SRD5A2: variants seen among roughly 807,000 people sequenced by gnomAD.
SRD5A2 encodes 3-oxo-5-alpha-steroid 4-dehydrogenase 2.
Under a neutral mutation model 27.4 loss-of-function variants are expected in SRD5A2, and 30 were observed. That is an observed-to-expected ratio of 1.10 (90% CI 0.82 to 1.49). The LOEUF (loss-of-function observed/expected upper bound fraction) is 1.49. SRD5A2 is among the 40% of genes most tolerant of loss of function. The pLI, the probability that SRD5A2 is intolerant of heterozygous loss-of-function variation, is 0.00. For synonymous variants in SRD5A2, 141 were observed against 133.6 expected (o/e 1.06, Z -0.38); for missense variants, 348 against 323.4 (o/e 1.08, Z -0.58).
chr2:31,659,122 A>G, the SRD5A2 span, among the ~76,000 whole-genome samples: 1 of 152,030 alleles, frequency 6.6e-6, no homozygotes, highest in African/African-American at 2.4e-5. Flanking sequence ...CTTTTAATAA[A>G]ATTCAACATC....
At chr2:31,554,858 T>C (rs1666460537) in intron 1 of SRD5A2, among the ~76,000 whole-genome samples, 1 of 152,146 alleles carries the variant, frequency 6.6e-6, no homozygotes, top group South Asian at 2.1e-4. Context: ...ACTGTGTTCA[T>C]GTAGGCTTAT....
the SRD5A2 span, among the ~76,000 whole-genome samples, chr2:31,631,940 T>C: frequency 6.6e-6 from 1 of 152,120 alleles, no homozygotes; most frequent in Non-Finnish European, 1.5e-5. Flanking sequence ...AAGAAGCCTA[T>C]AAATTATTCA....
At chr2:31,605,049 G>A in the SRD5A2 span, among the ~76,000 whole-genome samples, 1 of 151,844 alleles carries the variant, frequency 6.6e-6, no homozygotes. Context: ...ACATACTCCA[G>A]GGAAAATACA....
At chr2:31,560,325 T>C (rs541226913) in intron 1 of SRD5A2, among the ~76,000 whole-genome samples, 4 of 152,114 alleles carry the variant, frequency 2.6e-5, no homozygotes, top group Non-Finnish European at 4.4e-5. Flanking sequence ...TTCTGACCAA[T>C]GAACCTGAAA....
chr2:31,593,570 G>C, the SRD5A2 span, among the ~76,000 whole-genome samples: 1 of 152,164 alleles, frequency 6.6e-6, no homozygotes, highest in Non-Finnish European at 1.5e-5. Context: ...AAGAATAATT[G>C]GTGTTCTTTG....
chr2:31,550,718 T>C (rs548818962), intron 1 of SRD5A2, among the ~76,000 whole-genome samples: 2 of 151,912 alleles, frequency 1.3e-5, no homozygotes, highest in Non-Finnish European at 2.9e-5. Flanking sequence ...AAATAGAAAA[T>C]AAGAGTAGAG....
intron 1 of SRD5A2, among the ~76,000 whole-genome samples, chr2:31,568,172 G>A (rs568361310): frequency 6.6e-6 from 1 of 152,148 alleles, no homozygotes; most frequent in Non-Finnish European, 1.5e-5. Context: ...CCCCAAAGAG[G>A]GTGTCATAGC....
upstream of SRD5A2, chr2:31,581,111 G>A (rs1051161320): frequency 1.0e-5 from 6 of 576,506 alleles, no homozygotes; most frequent in Non-Finnish European, 1.5e-5. Context: ...GGCCGGAGGA[G>A]AACGAAGGCC....
chr2:31,533,149 G>T (rs953749949), intron 2 of SRD5A2, among the ~76,000 whole-genome samples: 1 of 152,120 alleles, frequency 6.6e-6, no homozygotes, highest in Non-Finnish European at 1.5e-5. Context: ...TTTCCAATGT[G>T]GTCCAGGGAA....
At chr2:31,640,472 T>C in the SRD5A2 span, among the ~76,000 whole-genome samples, 1 of 152,166 alleles carries the variant, frequency 6.6e-6, no homozygotes, top group Non-Finnish European at 1.5e-5. Context: ...GACTGGCTTG[T>C]TTTGGTTTTC....
the SRD5A2 span, among the ~76,000 whole-genome samples, chr2:31,601,417 A>G: frequency 6.6e-6 from 1 of 152,046 alleles, no homozygotes; most frequent in Middle Eastern, 3.2e-3. Flanking sequence ...AAACTTAAGC[A>G]GTAGTAAATA....
At chr2:31,586,881 A>C in the SRD5A2 span, among the ~76,000 whole-genome samples, 1 of 152,232 alleles carries the variant, frequency 6.6e-6, no homozygotes, top group African/African-American at 2.4e-5. Flanking sequence ...AAATGAACTA[A>C]GTAAGGCACC....
intron 1 of SRD5A2, among the ~76,000 whole-genome samples, chr2:31,556,321 C>A (rs972686380): frequency 6.6e-6 from 1 of 152,104 alleles, no homozygotes; most frequent in African/African-American, 2.4e-5. Flanking sequence ...TTTTATTATG[C>A]CATCTTGTAT....
chr2:31,584,839 A>G (rs976716584), upstream of SRD5A2, among the ~76,000 whole-genome samples: 4 of 152,222 alleles, frequency 2.6e-5, no homozygotes, highest in African/African-American at 9.6e-5. Flanking sequence ...ACAAGAACCA[A>G]AACTCAAGTG....
intron 1 of SRD5A2, among the ~76,000 whole-genome samples, chr2:31,573,402 G>T (rs1057147795): frequency 6.6e-6 from 1 of 152,170 alleles, no homozygotes; most frequent in Non-Finnish European, 1.5e-5. Flanking sequence ...CTCGTTAAAG[G>T]CTCCTGGGTT....
At chr2:31,532,336 C>A (rs1572630865) in intron 2 of SRD5A2, among the ~76,000 whole-genome samples, 1 of 151,634 alleles carries the variant, frequency 6.6e-6, no homozygotes, top group East Asian at 1.9e-4. Context: ...TGGCCACTAA[C>A]AAACTGACTT....
At chr2:31,602,047 G>C in the SRD5A2 span, among the ~76,000 whole-genome samples, 1 of 152,052 alleles carries the variant, frequency 6.6e-6, no homozygotes, top group Admixed American at 6.6e-5. Flanking sequence ...AGTATTGGAA[G>C]TTCTGGCCAG....
the SRD5A2 span, among the ~76,000 whole-genome samples, chr2:31,642,011 A>G: frequency 2.3e-3 from 357 of 152,230 alleles, no homozygotes; most frequent in African/African-American, 7.8e-3. Flanking sequence ...TACTAAAAAG[A>G]TATCACAATA....
At chr2:31,622,837 A>G in the SRD5A2 span, among the ~76,000 whole-genome samples, 2 of 152,122 alleles carry the variant, frequency 1.3e-5, no homozygotes, top group African/African-American at 2.4e-5. Context: ...TCCACTTTTC[A>G]TCACACATCA....
Sources: gnomAD v4.1 joint callset for allele counts (sites outside exome capture counted in the v4.1 genomes callset) on GRCh38, gnomAD v4.1.1 for gene constraint, MANE v1.5 for transcripts, NCBI Gene and HGNC (gene_info 2026-07-23, HGNC 2026-07-21) for gene names.